KRTAP5-4: variants seen among roughly 807,000 people sequenced by gnomAD.
The protein encoded by KRTAP5-4 is keratin-associated protein 5-4.
Under a neutral mutation model 2.6 loss-of-function variants are expected in KRTAP5-4, and 1 was observed. The ratio of observed to expected loss-of-function variants is 0.39; its 90% CI spans 0.14 to 1.85. The LOEUF (loss-of-function observed/expected upper bound fraction) is 1.85, where lower values mean the gene tolerates loss of function less well. Among genes scored for constraint, KRTAP5-4 ranks in the 40% most tolerant of loss-of-function variants. The pLI is 0.32. For missense variants in KRTAP5-4, 195 were observed against 276.9 expected (o/e 0.70, Z 2.10); for synonymous variants, 83 against 113.1 (o/e 0.73, Z 1.69).
In KRTAP5-4 at chr11:1,621,749, C is replaced by T. The variant is rs757087589; in HGVS notation, c.345G>A (p.Gly115=). 6.7e-7 allele frequency: 1 copy of T among 1,496,640 alleles called. No homozygotes were observed. Among genetic ancestry groups the T allele is most frequent in the South Asian group, 1.1e-5 (1 of 88,662 alleles). 92.7% of individuals were successfully genotyped at this position (1,496,640 alleles called of 1,614,324 possible). A position where few individuals can be genotyped will look rare whatever the true frequency, so the allele number is the denominator to read the frequency against. Residue 115 remains glycine (G), a synonymous_variant, in exon 1 of 1, where the codon GGG becomes GGA. Coordinates refer to ENST00000399682, the MANE Select transcript of KRTAP5-4 (RefSeq NM_001347674.1). ...AGGAGCCACAGCCCCCCTTGGAACC[C>T]CCACAGGAGCCACAGCCCCCCTTGG... ...GGSKGGCGSC[G]GSKGGCGSCG...
At position 1,621,627 on chromosome 11, in the gene KRTAP5-4, C is replaced by G. The variant is rs1849600542; in HGVS notation, c.467G>C (p.Cys156Ser). The change falls in exon 1 of 1, where the codon TGC (cysteine) becomes TCC (serine). Residue 156 changes from cysteine to serine, a missense_variant. By Grantham distance (112) the Cys-to-Ser change is moderately radical. Transcript: ENST00000399682. ...CFSSGCGSSC[C>S]QSSCCKPCCS... is the part of the protein sequence containing the mutation. ...GCAGGGCTTACAGCAGCTGGACTGGCAGCAGGATGACCCACAGCCTGAAGA... is the reference window on the plus strand; with the variant it reads ...GCAGGGCTTACAGCAGCTGGACTGGGAGCAGGATGACCCACAGCCTGAAGA... 6.2e-7 allele frequency: 1 copy of G among 1,605,694 alleles called. No homozygotes were observed. Among genetic ancestry groups the G allele is most frequent in the African/African-American group, 1.3e-5 (1 of 74,652 alleles).
At position 1,621,350 on chromosome 11, in the gene KRTAP5-4, G is replaced by T. The variant is rs1454888638; in HGVS notation, c.*57C>A. On this transcript the variant is annotated 3_prime_UTR_variant, in exon 1 of 1. Coordinates refer to ENST00000399682, the MANE Select transcript of KRTAP5-4 (RefSeq NM_001347674.1). ...TTTGGGGCTCAACAATGAAGGACAG[G>T]TCACAGCTTTGGAAGACAGGATTAG... 9 of 1,604,802 alleles carry T rather than the reference G, an allele frequency of 5.6e-6. No homozygotes were observed. The highest frequency in any genetic ancestry group is 7.7e-6 in the Non-Finnish European group (9 of 1,174,326).
chr11:1,622,064 A>G lies in KRTAP5-4; in HGVS notation c.30T>C (p.Cys10=). The G allele has an allele frequency of 6.3e-7, 1 of 1,594,812 alleles. No individual in the cohort carries two copies. The highest frequency in any genetic ancestry group is 8.5e-7 in the Non-Finnish European group (1 of 1,171,166). ...AGCCACAGCCCCCACAGCCGGAGCC[A>G]CAGCCTCCAGAGCAGCCACAGCAGC... MGCCGCSGG[C]GSGCGGCGSG... is the part of the protein sequence containing the mutation. The change falls in exon 1 of 1, where the codon TGT becomes TGC. Residue 10 remains cysteine (C), a synonymous_variant. Transcript: ENST00000399682.
chr11:1,621,777 C>G lies in KRTAP5-4; in HGVS notation c.317G>C (p.Gly106Ala). 1 of 1,478,366 alleles carries G rather than the reference C, an allele frequency of 6.8e-7. No homozygotes were observed. The highest frequency in any genetic ancestry group is 9.1e-7 in the Non-Finnish European group (1 of 1,101,870). 91.6% of individuals were successfully genotyped at this position (1,478,366 alleles called of 1,614,324 possible). The change falls in exon 1 of 1, where the codon GGC (glycine) becomes GCC (alanine). Residue 106 changes from glycine (G) to alanine (A), a missense_variant. Physicochemically the swap from Gly to Ala is moderately conservative, Grantham distance 60. Transcript: ENST00000399682. ...ACAGGAGCCACAGCCCCCCTTGGAG[C>G]CCCCACAGGAGCCACAGCCCCCCTT... ...GSKGGCGSCG[G>A]SKGGCGSCGG...
In KRTAP5-4 at chr11:1,621,058, G is replaced by A. The variant is rs1291798343; in HGVS notation, c.*349C>T. ...GCCACTCCAAGGAAGCCTCTTAAAC[G>A]CCCACCTTGTTGCAGGTGGGACGCT... On this transcript the variant is annotated 3_prime_UTR_variant, in exon 1 of 1. Transcript: ENST00000399682. The A allele has an allele frequency of 1.4e-5, 4 of 278,978 alleles. No individual in the cohort carries two copies. Among genetic ancestry groups the A allele is most frequent in the East Asian group, 8.9e-5 (1 of 11,184 alleles). The allele number at this position is 278,978 out of a possible 1,614,324, so 17.3% of individuals were successfully genotyped here. A position where few individuals can be genotyped will look rare whatever the true frequency, so the allele number is the denominator to read the frequency against.
rs1460524910 is a variant in KRTAP5-4 at position 1,621,025 on chromosome 11, C to T, written c.*382G>A. The T allele has an allele frequency of 1.8e-5, 4 of 217,248 alleles. No individual in the cohort carries two copies. Among genetic ancestry groups the T allele is most frequent in the African/African-American group, 9.6e-5 (4 of 41,844 alleles). The allele number at this position is 217,248 out of a possible 1,614,324, so 13.5% of individuals were successfully genotyped here. On this transcript the variant is annotated 3_prime_UTR_variant, in exon 1 of 1. Transcript: ENST00000399682. ...AAAAAAGATACAGCAGAGTGTTGGA[C>T]ATGCAAAGCCACTCCAAGGAAGCCT...
Position 1,621,063 on chromosome 11 carries a change from C to T in KRTAP5-4, c.*344G>A. The T allele has an allele frequency of 3.1e-6, 1 of 322,004 alleles. No individual in the cohort carries two copies. 19.9% of individuals were successfully genotyped at this position (322,004 alleles called of 1,614,324 possible). On this transcript the variant is annotated 3_prime_UTR_variant, in exon 1 of 1. Transcript: ENST00000399682. ...TCCAAGGAAGCCTCTTAAACGCCCA[C>T]CTTGTTGCAGGTGGGACGCTTATGC... is the stretch of plus-strand genomic sequence containing the variant.
Position 1,621,961 on chromosome 11 carries a change from A to T in KRTAP5-4, c.133T>A (p.Cys45Ser). 1 of 1,558,266 alleles carries T rather than the reference A, an allele frequency of 6.4e-7. No individual in the cohort carries two copies. Among genetic ancestry groups the T allele is most frequent in the Non-Finnish European group, 8.7e-7 (1 of 1,146,050 alleles). ...ATGGGCACACAGCAGCTGGAGCCACAGCCCCCACAGCCGGAGCCACAGCCC... is the reference window on the plus strand; with the variant it reads ...ATGGGCACACAGCAGCTGGAGCCACTGCCCCCACAGCCGGAGCCACAGCCC... ...CGGCGSGCGG[C>S]GSSCCVPICC... Residue 45 changes from cysteine to serine, a missense_variant, in exon 1 of 1, where the codon TGT becomes AGT. Transcript: ENST00000399682.
rs764690725 is a variant in KRTAP5-4 at position 1,621,631 on chromosome 11, A to G, written c.463T>C (p.Cys155Arg). ...CCFSSGCGSS[C>R]CQSSCCKPCC... ...GGCTTACAGCAGCTGGACTGGCAGC[A>G]GGATGACCCACAGCCTGAAGAGAAG... Residue 155 changes from cysteine (C) to arginine (R), a missense_variant, in exon 1 of 1, where the codon TGC (cysteine) becomes CGC (arginine). Transcript: ENST00000399682. The G allele has an allele frequency of 6.2e-7, 1 of 1,605,936 alleles. No homozygotes were observed. Among genetic ancestry groups the G allele is most frequent in the South Asian group, 1.1e-5 (1 of 89,950 alleles).
Position 1,621,418 on chromosome 11 carries a change from A to G in KRTAP5-4, c.676T>C (p.Cys226Arg), listed in dbSNP as rs753535398. 9 of 1,614,178 alleles carry G rather than the reference A, an allele frequency of 5.6e-6. No homozygotes were observed. Among genetic ancestry groups the G allele is most frequent in the African/African-American group, 1.3e-5 (1 of 75,046 alleles). Residue 226 changes from cysteine to arginine, a missense_variant, in exon 1 of 1, where the codon TGT becomes CGT. Physicochemically the swap from Cys to Arg is radical, Grantham distance 180. Coordinates refer to ENST00000399682, the MANE Select transcript of KRTAP5-4 (RefSeq NM_001347674.1). ...CTGAGTCCAGAGCCTCAGATCTTACACTGGCAGCACACAGGGACACAGCAA... is the reference window on the plus strand; with the variant it reads ...CTGAGTCCAGAGCCTCAGATCTTACGCTGGCAGCACACAGGGACACAGCAA... Reference protein sequence around the residue: ...SSCCVPVCCQCKI With the variant: ...SSCCVPVCCQRKI
In KRTAP5-4 at chr11:1,621,759, C is replaced by G. The variant is rs184758001; in HGVS notation, c.335G>C (p.Gly112Ala). Residue 112 changes from glycine to alanine, a missense_variant, in exon 1 of 1, where the codon GGC (glycine) becomes GCC (alanine). Physicochemically the swap from Gly to Ala is moderately conservative, Grantham distance 60. Coordinates refer to ENST00000399682, the MANE Select transcript of KRTAP5-4 (RefSeq NM_001347674.1). Reference sequence around the variant, plus strand: ...GCCCCCCTTGGAACCCCCACAGGAGCCACAGCCCCCCTTGGAGCCCCCACA... The same window carrying G: ...GCCCCCCTTGGAACCCCCACAGGAGGCACAGCCCCCCTTGGAGCCCCCACA... Reference protein sequence around the residue: ...GSCGGSKGGCGSCGGSKGGCG... With the variant: ...GSCGGSKGGCASCGGSKGGCG... 1.5e-4 allele frequency: 192 copies of G among 1,260,990 alleles called. No individual in the cohort carries two copies. The African/African-American group carries it at 3.6e-3, about 24-fold the overall frequency. The allele number at this position is 1,260,990 out of a possible 1,614,324, so 78.1% of individuals were successfully genotyped here.
chr11:1,621,246 A>T lies in KRTAP5-4; in HGVS notation c.*161T>A. The stretch of plus-strand genomic sequence containing the variant: ...TTTGTTAGGAGAGACAATGGACATT[A>T]ATTAGGGTGGACTCTTCTTAGGAAA... On this transcript the variant is annotated 3_prime_UTR_variant, in exon 1 of 1. Coordinates refer to ENST00000399682, the MANE Select transcript of KRTAP5-4 (RefSeq NM_001347674.1). 7.4e-7 allele frequency: 1 copy of T among 1,354,086 alleles called. No homozygotes were observed. The highest frequency in any genetic ancestry group is 1.0e-6 in the Non-Finnish European group (1 of 1,002,324). 83.9% of individuals were successfully genotyped at this position (1,354,086 alleles called of 1,614,324 possible).
rs878952670 is a variant in KRTAP5-4 at position 1,621,533 on chromosome 11, G to A, written c.561C>T (p.Ser187=). ...SSCCKPYCCQ[S]SCCKPCCSSS... is the part of the protein sequence containing the mutation. ...AGGAGCAGCAGGGCTTACAGCAGCT[G>A]GACTGGCAGCAGTAGGGCTTGCAGC... Residue 187 remains serine, a synonymous_variant, in exon 1 of 1, where the codon TCC becomes TCT. Coordinates refer to ENST00000399682, the MANE Select transcript of KRTAP5-4 (RefSeq NM_001347674.1). The A allele has an allele frequency of 6.2e-7, 1 of 1,612,488 alleles. No homozygotes were observed. The highest frequency in any genetic ancestry group is 8.5e-7 in the Non-Finnish European group (1 of 1,179,590).
Position 1,621,164 on chromosome 11 carries a change from C to A in KRTAP5-4, c.*243G>T. On this transcript the variant is annotated 3_prime_UTR_variant, in exon 1 of 1. Transcript: ENST00000399682. Reference sequence around the variant, plus strand: ...AGGCCTCTGAAAAGATGAGCAAAGGCGAGGCTAGTGGGTGAGGGGTGATTC... The same window carrying A: ...AGGCCTCTGAAAAGATGAGCAAAGGAGAGGCTAGTGGGTGAGGGGTGATTC... The A allele has an allele frequency of 4.0e-6, 3 of 751,246 alleles. No homozygotes were observed. Among genetic ancestry groups the A allele is most frequent in the South Asian group, 3.9e-5 (2 of 51,378 alleles). 46.5% of individuals were successfully genotyped at this position (751,246 alleles called of 1,614,324 possible).
Position 1,622,035 on chromosome 11 carries a change from CCGGAGCCACAGCCCCCACA to C in KRTAP5-4, c.40_58del (p.Cys14AlafsTer218). 7.4e-7 allele frequency: 1 copy of C among 1,359,420 alleles called. No individual in the cohort carries two copies. Among genetic ancestry groups the C allele is most frequent in the African/African-American group, 1.6e-5 (1 of 63,890 alleles). 84.2% of individuals were successfully genotyped at this position (1,359,420 alleles called of 1,614,324 possible). A position where few individuals can be genotyped will look rare whatever the true frequency, so the allele number is the denominator to read the frequency against. On this transcript the variant is annotated frameshift_variant, in exon 1 of 1. Transcript: ENST00000399682. LOFTEE classifies it low-confidence loss of function (END_TRUNC). The stretch of plus-strand genomic sequence containing the variant: ...ACAGCCAGAGCCACAGCCCCCACAG[CCGGAGCCACAGCCCCCACA>C]GCCGGAGCCACAGCCTCCAGAGCAG...
rs1413361657 is a variant in KRTAP5-4 at position 1,621,736 on chromosome 11, C to A, written c.358G>T (p.Gly120Cys). The A allele has an allele frequency of 1.9e-6, 3 of 1,599,828 alleles. No homozygotes were observed. The highest frequency in any genetic ancestry group is 2.6e-6 in the Non-Finnish European group (3 of 1,173,854). ...TTGGAGCCCCCACAGGAGCCACAGCCCCCCTTGGAACCCCCACAGGAGCCA... is the reference window on the plus strand; with the variant it reads ...TTGGAGCCCCCACAGGAGCCACAGCACCCCTTGGAACCCCCACAGGAGCCA... ...GCGSCGGSKG[G>C]CGSCGGSKGG... Residue 120 changes from glycine (G) to cysteine (C), a missense_variant, in exon 1 of 1, where the codon GGC (glycine) becomes TGC (cysteine). By Grantham distance (159) the Gly-to-Cys change is radical. Transcript: ENST00000399682.
In KRTAP5-4 at chr11:1,621,685, A is replaced by C. The variant is rs1849602000; in HGVS notation, c.409T>G (p.Ser137Ala). Reference sequence around the variant, plus strand: ...CAGGGCTTACAGCAGCTGCACTGGGAGCAGCCACAAGAGCCACAGCCTCCT... The same window carrying C: ...CAGGGCTTACAGCAGCTGCACTGGGCGCAGCCACAAGAGCCACAGCCTCCT... Reference protein sequence around the residue: ...SKGGCGSCGCSQCSCCKPCCF... With the variant: ...SKGGCGSCGCAQCSCCKPCCF... Residue 137 changes from serine (S) to alanine (A), a missense_variant, in exon 1 of 1, where the codon TCC (serine) becomes GCC (alanine). Physicochemically the swap from Ser to Ala is moderately conservative, Grantham distance 99. Coordinates refer to ENST00000399682, the MANE Select transcript of KRTAP5-4 (RefSeq NM_001347674.1). The C allele has an allele frequency of 6.2e-7, 1 of 1,613,334 alleles. No homozygotes were observed.
At position 1,621,249 on chromosome 11, in the gene KRTAP5-4, T is replaced by A. The variant is rs1849593074; in HGVS notation, c.*158A>T. 7.3e-7 allele frequency: 1 copy of A among 1,373,780 alleles called. No individual in the cohort carries two copies. The highest frequency in any genetic ancestry group is 2.6e-5 in the Admixed American group (1 of 38,150). The allele number at this position is 1,373,780 out of a possible 1,614,324, so 85.1% of individuals were successfully genotyped here. ...GTTAGGAGAGACAATGGACATTAAT[T>A]AGGGTGGACTCTTCTTAGGAAAAGG... On this transcript the variant is annotated 3_prime_UTR_variant, in exon 1 of 1. Coordinates refer to ENST00000399682, the MANE Select transcript of KRTAP5-4 (RefSeq NM_001347674.1).
Position 1,621,717 on chromosome 11 carries a change from C to A in KRTAP5-4, c.377G>T (p.Gly126Val). The change falls in exon 1 of 1, where the codon GGC (glycine) becomes GTC (valine). Residue 126 changes from glycine to valine, a missense_variant. Transcript: ENST00000399682. The part of the protein sequence containing the change: ...GSKGGCGSCG[G>V]SKGGCGSCGC... ...ACAAGAGCCACAGCCTCCTTTGGAG[C>A]CCCCACAGGAGCCACAGCCCCCCTT... 3 of 1,607,056 alleles carry A rather than the reference C, an allele frequency of 1.9e-6. No homozygotes were observed. Among genetic ancestry groups the A allele is most frequent in the Non-Finnish European group, 2.5e-6 (3 of 1,176,818 alleles).
Sources: allele counts gnomAD v4.1 joint callset, GRCh38; gene constraint gnomAD v4.1.1; transcripts MANE v1.5; gene names NCBI Gene and HGNC (gene_info 2026-07-23, HGNC 2026-07-21).